Variants in CDK14 observed in about 807,000 individuals in gnomAD.
CDK14 encodes cyclin dependent kinase 14.
Under a neutral mutation model 60.7 loss-of-function variants are expected in CDK14, and 34 were observed. The observed-to-expected ratio is 0.56, with a 90% CI of 0.43 to 0.75. The LOEUF (loss-of-function observed/expected upper bound fraction) is 0.75, where lower values mean the gene tolerates loss of function less well. Ranked by LOEUF, CDK14 falls within the 30% of genes least tolerant of loss-of-function variation. The pLI is 0.00. For synonymous variants in CDK14, 197 were observed against 203.7 expected (o/e 0.97, Z 0.28); for missense variants, 482 against 564.1 (o/e 0.85, Z 1.47).
At chr7:90,795,735 G>A (rs1453372728) in intron 5 of CDK14, among the ~76,000 whole-genome samples, 1 of 152,026 alleles carries the variant, frequency 6.6e-6, no homozygotes, top group African/African-American at 2.4e-5. Flanking sequence ...CAGGGACTCT[G>A]GGCCAAAAAG....
At chr7:91,035,452 C>T (rs769342481) in intron 10 of CDK14, among the ~76,000 whole-genome samples, 31 of 152,126 alleles carry the variant, frequency 2.0e-4, no homozygotes, top group Non-Finnish European at 4.1e-4. Flanking sequence ...CATGTGGCTC[C>T]GCATAAGTCA....
intron 6 of CDK14, among the ~76,000 whole-genome samples, chr7:90,874,654 C>G (rs1481133025): frequency 1.3e-5 from 2 of 149,818 alleles, no homozygotes; most frequent in African/African-American, 4.9e-5. Flanking sequence ...TCAGCCTCCC[C>G]AGTAGCTGGG....
chr7:90,648,336 G>T (rs1800515582), intron 2 of CDK14, among the ~76,000 whole-genome samples: 1 of 152,078 alleles, frequency 6.6e-6, no homozygotes, highest in Admixed American at 6.6e-5. Context: ...ACATTCTGGT[G>T]GCTGGTGTTT....
chr7:90,775,902 A>T (rs2116910813), intron 4 of CDK14, among the ~76,000 whole-genome samples: 1 of 151,872 alleles, frequency 6.6e-6, no homozygotes, highest in African/African-American at 2.4e-5. Flanking sequence ...TATATGGTAC[A>T]TGTGGCATTA....
intron 8 of CDK14, among the ~76,000 whole-genome samples, chr7:90,950,842 G>A (rs186110786): frequency 1.3e-3 from 199 of 152,220 alleles, no homozygotes; most frequent in Non-Finnish European, 2.2e-3. Context: ...AGTCATTCAG[G>A]GAAACCTTGT....
At chr7:90,652,052 G>A (rs1800656852) in intron 2 of CDK14, among the ~76,000 whole-genome samples, 1 of 152,072 alleles carries the variant, frequency 6.6e-6, no homozygotes. Context: ...TCACCAGTGG[G>A]CACTTGCAGG....
chr7:91,179,418 TG>T (rs997213356), intron 14 of CDK14, among the ~76,000 whole-genome samples: 1 of 149,272 alleles, frequency 6.7e-6, no homozygotes, highest in African/African-American at 2.5e-5. Flanking sequence ...GACGAGTTAG[TG>T]GGTGCAGCGC....
chr7:91,095,087 T>C (rs1342446059), intron 12 of CDK14, among the ~76,000 whole-genome samples: 1 of 152,150 alleles, frequency 6.6e-6, no homozygotes, highest in Non-Finnish European at 1.5e-5. Flanking sequence ...TCTTCTAGAG[T>C]AGCGAGGACA....
chr7:90,864,949 C>T (rs887880612), intron 6 of CDK14, among the ~76,000 whole-genome samples: 11 of 152,030 alleles, frequency 7.2e-5, no homozygotes, highest in South Asian at 2.1e-4. Context: ...CCATGGAGTT[C>T]GTACATCATA....
intron 11 of CDK14, among the ~76,000 whole-genome samples, chr7:91,046,228 G>C (rs1234003537): frequency 6.6e-6 from 1 of 152,128 alleles, no homozygotes; most frequent in Non-Finnish European, 1.5e-5. Flanking sequence ...TTCATCATCA[G>C]TTAGACTAGC....
intron 8 of CDK14, among the ~76,000 whole-genome samples, chr7:90,930,459 T>C (rs574899502): frequency 2.0e-5 from 3 of 151,994 alleles, no homozygotes; most frequent in East Asian, 3.9e-4. Context: ...GTGAATGACA[T>C]GTCTGTGGTC....
At chr7:90,751,144 G>A (rs181581520) in intron 4 of CDK14, among the ~76,000 whole-genome samples, 70 of 152,204 alleles carry the variant, frequency 4.6e-4, no homozygotes, top group Non-Finnish European at 8.4e-4. Context: ...CCCTAACCTT[G>A]CTAGAGAGGT....
intron 2 of CDK14, among the ~76,000 whole-genome samples, chr7:90,687,985 C>T (rs1172188563): frequency 6.6e-6 from 1 of 152,106 alleles, no homozygotes; most frequent in African/African-American, 2.4e-5. Context: ...TTGATTTAAA[C>T]CACAAGATTT....
intron 10 of CDK14, among the ~76,000 whole-genome samples, chr7:90,989,001 A>AGTGTGTGTGTGTGTGTGTGTGT (rs10696275): frequency 6.7e-6 from 1 of 149,750 alleles, no homozygotes; most frequent in Non-Finnish European, 1.5e-5. Flanking sequence ...TTTGTGTGTG[A>AGTGTGTGTGTGTGTGTGTGTGT]GTGTGTGTGT....
chr7:90,719,640 C>A (rs186523389), intron 2 of CDK14, among the ~76,000 whole-genome samples: 1 of 152,122 alleles, frequency 6.6e-6, no homozygotes, highest in African/African-American at 2.4e-5. Flanking sequence ...CCAAATTAAT[C>A]GCTTCAGATG....
intron 8 of CDK14, among the ~76,000 whole-genome samples, chr7:90,926,869 C>G (rs747193626): frequency 6.6e-6 from 1 of 152,148 alleles, no homozygotes; most frequent in Admixed American, 6.5e-5. Context: ...ATTCCCACGC[C>G]CCCTTCCTTG....
intron 12 of CDK14, among the ~76,000 whole-genome samples, chr7:91,088,980 C>G (rs948003383): frequency 6.6e-6 from 1 of 152,042 alleles, no homozygotes; most frequent in Non-Finnish European, 1.5e-5. Flanking sequence ...ACAACTATTG[C>G]AAAAGAATCG....
chr7:90,951,537 T>C (rs573447293), intron 8 of CDK14, among the ~76,000 whole-genome samples: 14 of 152,320 alleles, frequency 9.2e-5, no homozygotes, highest in African/African-American at 3.4e-4. Context: ...GGAATGGGAA[T>C]GATCATTTCT....
chr7:90,660,625 T>TATAC (rs1160711429), intron 2 of CDK14, among the ~76,000 whole-genome samples: 1 of 152,254 alleles, frequency 6.6e-6, no homozygotes, highest in Non-Finnish European at 1.5e-5. Flanking sequence ...TGTATTGATA[T>TATAC]ATACATACAA....
Sources: gnomAD v4.1 joint callset for allele counts (sites outside exome capture counted in the v4.1 genomes callset) on GRCh38, gnomAD v4.1.1 for gene constraint, MANE v1.5 for transcripts, NCBI Gene and HGNC (gene_info 2026-07-23, HGNC 2026-07-21) for gene names.